Variants in HPSE2 observed in about 807,000 individuals in gnomAD.
HPSE2 encodes heparanase 2 (inactive), also known as inactive heparanase-2.
In HPSE2, 38 loss-of-function variants were observed where a neutral mutation model predicts 60.5. That is an observed-to-expected ratio of 0.63 (90% CI 0.48 to 0.82). The LOEUF (loss-of-function observed/expected upper bound fraction) is 0.82, where lower values mean the gene tolerates loss of function less well. Ranked by LOEUF, HPSE2 falls within the 40% of genes least tolerant of loss-of-function variation. The probability of loss-of-function intolerance (pLI) is 0.00; values close to 1 mark genes in which losing one functional copy is unlikely to be tolerated. For missense variants in HPSE2, 713 were observed against 740.4 expected (o/e 0.96, Z 0.43); for synonymous variants, 295 against 293.2 (o/e 1.01, Z -0.06).
intron 3 of HPSE2, among the ~76,000 whole-genome samples, chr10:98,980,487 GA>G (rs1243007463): frequency 1.3e-5 from 2 of 152,036 alleles, no homozygotes; most frequent in African/African-American, 4.8e-5. Context: ...CAAATTTATA[GA>G]CAAAAAAAGG....
At chr10:99,161,265 A>G (rs1846832473) in intron 2 of HPSE2, among the ~76,000 whole-genome samples, 1 of 152,088 alleles carries the variant, frequency 6.6e-6, no homozygotes, top group African/African-American at 2.4e-5. Flanking sequence ...TAGTAGCATT[A>G]TGCATAACAG....
Position 99,126,396 on chromosome 10 carries a change from T to C in HPSE2, c.610+17842A>G, listed in dbSNP as rs1021121002. ...CTAGTAGCTGAACAGAAAAGACAGC[T>C]CATCCAAGCTTTATGGCCCCACCCA... is the stretch of plus-strand genomic sequence containing the variant. On this transcript the variant is annotated intron_variant, in intron 3 of 11. Transcript: ENST00000370552. The surrounding 1 kb of genome is among the most constrained non-coding windows in gnomAD (Gnocchi z 4.0). Among the ~76,000 whole-genome samples the C allele has an allele frequency of 7.3e-6, 1 of 137,892 alleles. No homozygotes were observed. The highest frequency in any genetic ancestry group is 7.4e-5 in the Admixed American group (1 of 13,528). 90.5% of individuals were successfully genotyped at this position (137,892 alleles called of 152,430 possible).
At chr10:99,102,384 G>C (rs1373744216) in intron 3 of HPSE2, among the ~76,000 whole-genome samples, 3 of 152,130 alleles carry the variant, frequency 2.0e-5, no homozygotes, top group African/African-American at 7.2e-5. Context: ...AAATCTAGAA[G>C]AAATGGATAA....
intron 6 of HPSE2, among the ~76,000 whole-genome samples, chr10:98,659,881 A>C (rs1947178503): frequency 6.6e-6 from 1 of 152,262 alleles, no homozygotes; most frequent in African/African-American, 2.4e-5. Flanking sequence ...AGAAGAGGAA[A>C]GGAAAGCTGA....
chr10:98,933,002 C>T (rs574225665), intron 3 of HPSE2, among the ~76,000 whole-genome samples: 1 of 143,832 alleles, frequency 7.0e-6, no homozygotes, highest in South Asian at 2.1e-4. Flanking sequence ...CTGTCTTCTG[C>T]TAGCTCTAGG....
intron 7 of HPSE2, among the ~76,000 whole-genome samples, chr10:98,632,885 G>T (rs1946400971): frequency 6.6e-6 from 1 of 152,108 alleles, no homozygotes; most frequent in Admixed American, 6.6e-5. Flanking sequence ...TTGTATCTGG[G>T]GTCCTGTGCC....
intron 3 of HPSE2, among the ~76,000 whole-genome samples, chr10:98,931,579 T>C (rs184420790): frequency 1.4e-5 from 2 of 144,502 alleles, no homozygotes; most frequent in African/African-American, 2.8e-5. Flanking sequence ...TTTCACAATA[T>C]TGATTCTTCC....
intron 3 of HPSE2, among the ~76,000 whole-genome samples, chr10:99,058,836 G>A (rs150685692): frequency 1.4e-3 from 218 of 152,168 alleles, no homozygotes; most frequent in African/African-American, 5.1e-3. Context: ...TGGGGGCAAG[G>A]GAAGAAATAA....
At chr10:98,876,341 T>C (rs1044372193) in intron 3 of HPSE2, among the ~76,000 whole-genome samples, 16 of 151,874 alleles carry the variant, frequency 1.1e-4, no homozygotes, top group Non-Finnish European at 2.4e-4. Context: ...GCTAGGCTGT[T>C]AGTTATAAAT....
At chr10:98,982,372 G>C (rs1285989547) in intron 3 of HPSE2, among the ~76,000 whole-genome samples, 2 of 152,072 alleles carry the variant, frequency 1.3e-5, no homozygotes, top group Admixed American at 1.3e-4. Context: ...GAAGATCTAG[G>C]GGTAACAGAA....
At chr10:98,847,883 CTT>C (rs1440217198) in intron 3 of HPSE2, among the ~76,000 whole-genome samples, 1 of 152,154 alleles carries the variant, frequency 6.6e-6, no homozygotes, top group African/African-American at 2.4e-5. Flanking sequence ...AGGGACCAGA[CTT>C]AAGTTTCCCA....
intron 3 of HPSE2, among the ~76,000 whole-genome samples, chr10:99,139,799 T>G (rs1031206765): frequency 6.6e-5 from 10 of 152,078 alleles, no homozygotes; most frequent in Non-Finnish European, 1.2e-4. Flanking sequence ...ATCTACTTCA[T>G]TTACTTTCTG....
intron 3 of HPSE2, among the ~76,000 whole-genome samples, chr10:98,966,054 A>G (rs1224470470): frequency 1.3e-5 from 2 of 151,778 alleles, no homozygotes; most frequent in East Asian, 3.9e-4. Context: ...CCACTCCAAG[A>G]TAATTTTTGT....
chr10:99,193,430 C>T (rs1448327966), intron 2 of HPSE2, among the ~76,000 whole-genome samples: 1 of 150,770 alleles, frequency 6.6e-6, no homozygotes, highest in African/African-American at 2.4e-5. Context: ...CCTTAGTTAT[C>T]AATAATAACA....
At chr10:99,064,845 C>A (rs1296650727) in intron 3 of HPSE2, among the ~76,000 whole-genome samples, 1 of 151,778 alleles carries the variant, frequency 6.6e-6, no homozygotes. Flanking sequence ...TTTCAAGCTT[C>A]CTATGCTTGA....
chr10:99,172,252 T>A (rs778081522), intron 2 of HPSE2, among the ~76,000 whole-genome samples: 1 of 152,160 alleles, frequency 6.6e-6, no homozygotes, highest in Non-Finnish European at 1.5e-5. Context: ...ATTTTTTTTA[T>A]AAGAATTTGT....
chr10:98,562,068 T>A (rs1036302673), intron 9 of HPSE2, among the ~76,000 whole-genome samples: 1 of 104,428 alleles, frequency 9.6e-6, no homozygotes, highest in African/African-American at 3.1e-5. Flanking sequence ...TACCATTTTT[T>A]AATCTTTTAT....
chr10:98,562,618 G>A (rs1294654303), intron 9 of HPSE2, among the ~76,000 whole-genome samples: 1 of 151,826 alleles, frequency 6.6e-6, no homozygotes, highest in Admixed American at 6.6e-5. Flanking sequence ...GGGAGGCTGA[G>A]GCAGGAGAAG....
chr10:98,489,442 C>A (rs1241563991), intron 10 of HPSE2, among the ~76,000 whole-genome samples: 1 of 152,166 alleles, frequency 6.6e-6, no homozygotes, highest in South Asian at 2.1e-4. Flanking sequence ...TTGTCCAGAG[C>A]CCTCAGAAAA....
Sources: gnomAD v4.1 joint callset for allele counts (sites outside exome capture counted in the v4.1 genomes callset) on GRCh38, gnomAD v4.1.1 for gene constraint, Gnocchi (gnomAD v3.1) non-coding constraint, MANE v1.5 for transcripts, NCBI Gene and HGNC (gene_info 2026-07-23, HGNC 2026-07-21) for gene names.